Variants in R3HDM1 observed in about 807,000 individuals in gnomAD.
The protein encoded by R3HDM1 is R3H domain-containing protein 1.
Under a neutral mutation model 141.1 loss-of-function variants are expected in R3HDM1, and 46 were observed. The ratio of observed to expected loss-of-function variants is 0.33; its 90% CI spans 0.26 to 0.42. R3HDM1 has a LOEUF of 0.42. R3HDM1 is among the 10% of genes least tolerant of loss of function. The pLI is 1.00. For missense variants in R3HDM1, 1,184 were observed against 1,368.3 expected (o/e 0.87, Z 2.12); for synonymous variants, 435 against 472.9 (o/e 0.92, Z 1.04).
At chr2:135,698,406 TC>T (rs1275340164) in intron 21 of R3HDM1, among the ~76,000 whole-genome samples, 1 of 151,714 alleles carries the variant, frequency 6.6e-6, no homozygotes, top group African/African-American at 2.4e-5. Context: ...TGATCCGCCC[TC>T]CTCAGCCTCC....
At chr2:135,706,146 A>G (rs2074880709) in intron 21 of R3HDM1, among the ~76,000 whole-genome samples, 1 of 151,444 alleles carries the variant, frequency 6.6e-6, no homozygotes, top group Non-Finnish European at 1.5e-5. Context: ...AAAAAAAAAA[A>G]CTCAGAAGAA....
At chr2:135,567,830 C>T (rs1221398529) in intron 1 of R3HDM1, among the ~76,000 whole-genome samples, 1 of 151,166 alleles carries the variant, frequency 6.6e-6, no homozygotes, top group African/African-American at 2.4e-5. Context: ...GCCTCAAATT[C>T]CTGGGCTCAG....
intron 3 of R3HDM1, among the ~76,000 whole-genome samples, chr2:135,615,069 T>C (rs2060895657): frequency 6.6e-6 from 1 of 152,144 alleles, no homozygotes; most frequent in South Asian, 2.1e-4. Context: ...TCTTTTATTT[T>C]TTCTATTTTC....
At chr2:135,661,164 T>G in intron 18 of R3HDM1, 106 bp from the exon 19 acceptor site, 1 of 1,335,532 alleles carries the variant, frequency 7.5e-7, no homozygotes, top group Non-Finnish European at 1.0e-6. Flanking sequence ...TTTCCAATGA[T>G]TAGTGCTAAA....
Position 135,537,926 on chromosome 2 carries a change from G to A in R3HDM1, c.-250+6293G>A, listed in dbSNP as rs112538226. ...GAACAACCCAAATGTCCTTCGCTGC[G>A]TGAATTATTGAACTGTGATACATCC... On this transcript the variant is annotated intron_variant, in intron 1 of 26. Transcript: ENST00000683871. 1.7e-3 allele frequency among the ~76,000 whole-genome samples: 256 copies of A among 152,196 alleles called. 4 individuals carry two copies. Among genetic ancestry groups the A allele is most frequent in the African/African-American group, 5.6e-3 (232 of 41,510 alleles).
At chr2:135,684,296 A>G (rs920879714) in intron 21 of R3HDM1, among the ~76,000 whole-genome samples, 6 of 152,022 alleles carry the variant, frequency 3.9e-5, no homozygotes, top group Non-Finnish European at 7.4e-5. Flanking sequence ...TCACCATGTT[A>G]GCCAGGATGG....
chr2:135,696,644 A>C (rs2073292021), intron 21 of R3HDM1, among the ~76,000 whole-genome samples: 1 of 151,986 alleles, frequency 6.6e-6, no homozygotes, highest in African/African-American at 2.4e-5. Flanking sequence ...GGTGCACGCC[A>C]CCACACCTGG....
intron 24 of R3HDM1, among the ~76,000 whole-genome samples, chr2:135,718,362 TAAA>T (rs1347582936): frequency 1.3e-5 from 2 of 152,184 alleles, no homozygotes; most frequent in East Asian, 3.8e-4. Context: ...TCAATTTCCT[TAAA>T]AACTTACACA....
chr2:135,645,617 G>A (rs2064312479), intron 16 of R3HDM1, 90 bp downstream of exon 16: 1 of 1,430,910 alleles, frequency 7.0e-7, no homozygotes, highest in African/African-American at 1.4e-5. Flanking sequence ...GATAGCCTAA[G>A]TATCTCTTAG....
Position 135,593,867 on chromosome 2 carries a change from G to A in R3HDM1, c.-249-8633G>A, listed in dbSNP as rs576920404. Among the ~76,000 whole-genome samples the A allele has an allele frequency of 6.6e-5, 10 of 152,162 alleles. No homozygotes were observed. In the South Asian group the frequency reaches 1.2e-3, roughly 19 times the overall value. On this transcript the variant is annotated intron_variant, in intron 1 of 26. Coordinates refer to ENST00000683871, the MANE Select transcript of R3HDM1 (RefSeq NM_001378107.1). ...TCCCAAGTAGTGGGATTACAGGCGCGCACCACCACACCCAGCTAATTTTTG... is the reference window on the plus strand; with the variant it reads ...TCCCAAGTAGTGGGATTACAGGCGCACACCACCACACCCAGCTAATTTTTG...
At chr2:135,618,754 C>T (rs545646860) in intron 5 of R3HDM1, among the ~76,000 whole-genome samples, 5 of 152,116 alleles carry the variant, frequency 3.3e-5, no homozygotes, top group East Asian at 3.9e-4. Context: ...GACAGTGGCT[C>T]GCGCCTGTAA....
Position 135,661,161 on chromosome 2 carries a change from TGA to T in R3HDM1, c.2029-108_2029-107del. ...AATTTAAGAAAAATCAGTTTTCCAA[TGA>T]TTAGTGCTAAAAAGAATTATTACTC... On this transcript the variant is annotated intron_variant, in intron 18 of 26. Coordinates refer to ENST00000683871, the MANE Select transcript of R3HDM1 (RefSeq NM_001378107.1). The T allele has an allele frequency of 2.3e-6, 3 of 1,305,644 alleles. No individual in the cohort carries two copies. In the South Asian group the frequency reaches 5.3e-5, roughly 23 times the overall value. 80.9% of individuals were successfully genotyped at this position (1,305,644 alleles called of 1,614,324 possible).
chr2:135,679,863 T>A (rs1559416849), intron 20 of R3HDM1, among the ~76,000 whole-genome samples: 1 of 152,132 alleles, frequency 6.6e-6, no homozygotes, highest in African/African-American at 2.4e-5. Flanking sequence ...GCGGATCACT[T>A]GAGGTCAGGA....
At chr2:135,568,168 C>T (rs1032340217) in intron 1 of R3HDM1, among the ~76,000 whole-genome samples, 3 of 152,012 alleles carry the variant, frequency 2.0e-5, no homozygotes, top group Admixed American at 6.6e-5. Flanking sequence ...GTGATTCTCC[C>T]ACCTCAGCCT....
At chr2:135,570,182 C>G (rs925686365) in intron 1 of R3HDM1, among the ~76,000 whole-genome samples, 4 of 152,190 alleles carry the variant, frequency 2.6e-5, no homozygotes, top group African/African-American at 9.7e-5. Flanking sequence ...TTTTAAACAA[C>G]TAAATTATTC....
chr2:135,573,375 C>T (rs553846219), intron 1 of R3HDM1, among the ~76,000 whole-genome samples: 1 of 152,248 alleles, frequency 6.6e-6, no homozygotes, highest in South Asian at 2.1e-4. Flanking sequence ...TCACCAGATC[C>T]TGGCATGTGA....
intron 1 of R3HDM1, chr2:135,566,630 TTTC>T (rs1702845771): frequency 5.1e-6 from 2 of 394,330 alleles, no homozygotes; most frequent in Non-Finnish European, 6.9e-6. Context: ...ACCAGTATAT[TTTC>T]TTCTTCAGGT....
Position 135,613,548 on chromosome 2 carries a change from A to C in R3HDM1, c.172-2604A>C, listed in dbSNP as rs111491599. 7.9e-4 allele frequency among the ~76,000 whole-genome samples: 121 copies of C among 152,270 alleles called. 1 individual carries two copies. The highest frequency in any genetic ancestry group is 2.8e-3 in the African/African-American group (116 of 41,574). ...ATGCATAAATCCAGCAGGGTATGGTAGTTCACACCTGTAATTCCAGCACTT... is the reference window on the plus strand; with the variant it reads ...ATGCATAAATCCAGCAGGGTATGGTCGTTCACACCTGTAATTCCAGCACTT... On this transcript the variant is annotated intron_variant, in intron 3 of 26. Coordinates refer to ENST00000683871, the MANE Select transcript of R3HDM1 (RefSeq NM_001378107.1).
At chr2:135,634,172 T>C (rs1663356145) in intron 9 of R3HDM1, among the ~76,000 whole-genome samples, 1 of 152,196 alleles carries the variant, frequency 6.6e-6, no homozygotes, top group South Asian at 2.1e-4. Flanking sequence ...ACTTCTTACA[T>C]ATATTTATGT....
Sources: allele counts gnomAD v4.1 joint callset (sites outside exome capture counted in the v4.1 genomes callset), GRCh38; gene constraint gnomAD v4.1.1; transcripts MANE v1.5; gene names NCBI Gene and HGNC (gene_info 2026-07-23, HGNC 2026-07-21).